The following PHYKPL variants were observed in gnomAD, a reference collection of about 807,000 sequenced individuals.
PHYKPL encodes the protein 5-phosphohydroxy-L-lysine phospho-lyase.
A neutral mutation model predicts 51.3 loss-of-function variants in PHYKPL; 42 were observed. The observed-to-expected ratio is 0.82, with a 90% CI of 0.64 to 1.06. PHYKPL has a LOEUF of 1.06. PHYKPL is among the 50% of genes least tolerant of loss of function. PHYKPL has a pLI of 0.00. For synonymous variants in PHYKPL, 264 were observed against 236.0 expected, an observed-to-expected ratio of 1.12 and a Z score of -1.09; for missense variants, 655 against 586.6, an observed-to-expected ratio of 1.12 and a Z score of -1.20.
chr5:178,209,465 G>T, intron 12 of PHYKPL: 1 of 1,600,710 alleles, frequency 6.2e-7, no homozygotes. Flanking sequence ...GAACGTGGAT[G>T]AAGATAGGTC....
rs555511971 is a variant in PHYKPL at position 178,217,445 on chromosome 5, C to T, written c.928-2015G>A. Reference sequence around the variant, plus strand: ...TGTGTTGGCCAGGCTGGTCTTAAACCCGGGACCTCAAGTGATCCGCCCACC... The same window carrying T: ...TGTGTTGGCCAGGCTGGTCTTAAACTCGGGACCTCAAGTGATCCGCCCACC... On this transcript the variant is annotated intron_variant, in intron 8 of 12. Coordinates refer to ENST00000308158, the MANE Select transcript of PHYKPL (RefSeq NM_153373.4). Among the ~76,000 whole-genome samples, 535 of 151,766 alleles carry T rather than the reference C, an allele frequency of 3.5e-3. 1 individual carries two copies. Among genetic ancestry groups the T allele is most frequent in the African/African-American group, 0.012 (487 of 41,406 alleles).
intron 3 of PHYKPL, 189 bp from the exon 4 acceptor site, chr5:178,225,618 G>A: frequency 1.7e-6 from 1 of 604,342 alleles, no homozygotes. Flanking sequence ...AAAAGAGTAG[G>A]TAAAACAGAC....
intron 3 of PHYKPL, chr5:178,229,728 G>T: frequency 1.9e-6 from 1 of 522,206 alleles, no homozygotes; most frequent in Admixed American, 3.4e-5. Context: ...ATCCTAGAAA[G>T]GAGGTAATAA....
At chr5:178,225,603 G>C in intron 3 of PHYKPL, 174 bp from the exon 4 acceptor site, 1 of 621,532 alleles carries the variant, frequency 1.6e-6, no homozygotes, top group South Asian at 1.9e-5. Flanking sequence ...CTAGAAGCTG[G>C]GGGAAAAAGA....
In PHYKPL at chr5:178,215,345, C is replaced by T; in HGVS notation, c.1013G>A (p.Ser338Asn). The T allele has an allele frequency of 6.2e-7, 1 of 1,614,088 alleles. No individual in the cohort carries two copies. The highest frequency in any genetic ancestry group is 1.3e-5 in the African/African-American group (1 of 75,048). ...EKEQLQDHATSVGSFLMQLLG... is the reference protein window; with the variant it reads ...EKEQLQDHATNVGSFLMQLLG... Reference sequence around the variant, plus strand: ...GAGCTGCATCAGGAAGCTGCCTACACTGGTGGCATGATCCTGGAGCTGCTC... The same window carrying T: ...GAGCTGCATCAGGAAGCTGCCTACATTGGTGGCATGATCCTGGAGCTGCTC... The change falls in exon 9 of 13, where the codon AGT (serine) becomes AAT (asparagine). Residue 338 changes from serine (S) to asparagine (N), a missense_variant. Ser to Asn is a conservative substitution (Grantham distance 46). Transcript: ENST00000308158.
intron 1 of PHYKPL, chr5:178,232,196 G>C (rs1349002071): frequency 8.0e-7 from 1 of 1,245,230 alleles, no homozygotes; most frequent in African/African-American, 1.5e-5. Flanking sequence ...AGGCTGCCAA[G>C]CGAGGCTGAC....
intron 12 of PHYKPL, chr5:178,210,586 G>T: frequency 6.2e-7 from 1 of 1,614,180 alleles, no homozygotes; most frequent in Non-Finnish European, 8.5e-7. Context: ...AAGAGCCAGC[G>T]ACGTGGTGGC....
intron 7 of PHYKPL, 70 bp from the exon 8 acceptor site, chr5:178,222,650 CG>C: frequency 6.5e-7 from 1 of 1,527,966 alleles, no homozygotes; most frequent in Non-Finnish European, 9.0e-7. Flanking sequence ...CAGGAGGTCT[CG>C]GGGCTTTGCA....
rs367756751 is a variant in PHYKPL at position 178,230,011 on chromosome 5, G to A, written c.267C>T (p.Ile89=). ...NTNSRYLHDN[I]VDYAQRLSET... ...CTGACAGCCTCTGCGCATAGTCCACGATGTTGTCATGCAGGTACCGGCTGT... is the reference window on the plus strand; with the variant it reads ...CTGACAGCCTCTGCGCATAGTCCACAATGTTGTCATGCAGGTACCGGCTGT... The change falls in exon 3 of 13, where the codon ATC becomes ATT. Residue 89 remains isoleucine, a synonymous_variant. Transcript: ENST00000308158. 1.2e-4 allele frequency: 195 copies of A among 1,614,102 alleles called. No homozygotes were observed. The highest frequency in any genetic ancestry group is 1.5e-4 in the Non-Finnish European group (181 of 1,180,052).
At position 178,232,763 on chromosome 5, in the gene PHYKPL, C is replaced by T. The variant is rs1763788361; in HGVS notation, c.-213G>A. The T allele has an allele frequency of 2.2e-6, 1 of 453,158 alleles. No homozygotes were observed. Among genetic ancestry groups the T allele is most frequent in the African/African-American group, 2.1e-5 (1 of 47,398 alleles). The allele number at this position is 453,158 out of a possible 1,614,324, so 28.1% of individuals were successfully genotyped here. On this transcript the variant is annotated 5_prime_UTR_variant, in exon 1 of 13. Coordinates refer to ENST00000308158, the MANE Select transcript of PHYKPL (RefSeq NM_153373.4). ...GCAGCCTTCCGGCCCGTGGTCGTGC[C>T]TTGGCAGTCCCGCGCAGGAACTCGA...
Position 178,224,551 on chromosome 5 carries a change from T to C in PHYKPL, c.515A>G (p.Asp172Gly). The C allele has an allele frequency of 6.2e-7, 1 of 1,614,202 alleles. No individual in the cohort carries two copies. The highest frequency in any genetic ancestry group is 1.1e-5 in the South Asian group (1 of 91,090). ...KEWVHVAPLPDTYRGPYREDH... is the reference protein window; with the variant it reads ...KEWVHVAPLPGTYRGPYREDH... ...CTCCCGGTAGGGGCCCCGGTAGGTG[T>C]CTGGGAGAGGTGCCTGTGGGGAGTG... The change falls in exon 6 of 13, where the codon GAC becomes GGC. Residue 172 changes from aspartate (D) to glycine (G), a missense_variant. By Grantham distance (94) the Asp-to-Gly change is moderately conservative. Transcript: ENST00000308158.
chr5:178,219,925 G>A (rs1187460368), intron 8 of PHYKPL, among the ~76,000 whole-genome samples: 8 of 151,994 alleles, frequency 5.3e-5, no homozygotes, highest in Admixed American at 6.5e-5. Context: ...GGGTGCAGTG[G>A]CTCATGCCTT....
intron 3 of PHYKPL, among the ~76,000 whole-genome samples, chr5:178,226,915 G>A (rs55985743): frequency 0.026 from 3,729 of 144,194 alleles, 98 homozygotes; most frequent in African/African-American, 0.092. Context: ...GTGTGTCTGT[G>A]TATTTATATA....
intron 12 of PHYKPL, chr5:178,211,546 G>A (rs956146378): frequency 8.4e-6 from 2 of 236,812 alleles, no homozygotes; most frequent in African/African-American, 4.5e-5. Context: ...GGCTGGTGAA[G>A]AAAAGCCTGC....
At position 178,231,418 on chromosome 5, in the gene PHYKPL, G is replaced by A; in HGVS notation, c.165C>T (p.Ser55=). The change falls in exon 2 of 13, where the codon AGC becomes AGT. Residue 55 remains serine, a synonymous_variant. Transcript: ENST00000308158. ...TGTGATACTGACCGTGCGCCACATT[G>A]CTGATGCAATCGATGTATTCTGCCC... ...EQGAEYIDCI[S]NVAHVGHCHP... is the part of the protein sequence containing the mutation. 6.2e-7 allele frequency: 1 copy of A among 1,614,200 alleles called. No homozygotes were observed. The highest frequency in any genetic ancestry group is 8.5e-7 in the Non-Finnish European group (1 of 1,180,024).
intron 12 of PHYKPL, 21 bp from the exon 13 acceptor site, chr5:178,208,936 T>G (rs1757307585): frequency 6.0e-6 from 1 of 165,554 alleles, no homozygotes; most frequent in Admixed American, 6.0e-5. Context: ...AAAAAGATGT[T>G]AAAACCTCAT....
At chr5:178,222,311 T>C (rs1236913396) in intron 8 of PHYKPL, 44 bp downstream of exon 8, 1 of 1,544,846 alleles carries the variant, frequency 6.5e-7, no homozygotes, top group African/African-American at 1.4e-5. Context: ...ACCGGGGGCC[T>C]ATCAGAACCC....
At chr5:178,217,217 G>A (rs1759980321) in intron 8 of PHYKPL, among the ~76,000 whole-genome samples, 1 of 148,272 alleles carries the variant, frequency 6.7e-6, no homozygotes, top group Non-Finnish European at 1.5e-5. Context: ...TACTAGAGAG[G>A]CTCAACAGAT....
chr5:178,207,278 T>C, downstream of PHYKPL: 1 of 1,605,530 alleles, frequency 6.2e-7, no homozygotes, highest in Non-Finnish European at 8.5e-7. Context: ...GAGCTGGCCC[T>C]TAGAGGGATG....
Sources: gnomAD v4.1 joint callset for allele counts (sites outside exome capture counted in the v4.1 genomes callset) on GRCh38, gnomAD v4.1.1 for gene constraint, MANE v1.5 for transcripts, NCBI Gene and HGNC (gene_info 2026-07-23, HGNC 2026-07-21) for gene names.